Variants in TBC1D5 observed in about 807,000 individuals in gnomAD.
TBC1D5 encodes the protein TBC1 domain family member 5.
TBC1D5 carries 75 observed loss-of-function variants against 100.3 expected under a neutral mutation model. The observed-to-expected ratio is 0.75, with a 90% confidence interval of 0.62 to 0.91. TBC1D5 has a LOEUF of 0.91. Among genes scored for constraint, TBC1D5 ranks in the 40% least tolerant of loss-of-function variants. The probability of loss-of-function intolerance (pLI) is 0.00; values close to 1 mark genes in which losing one functional copy is unlikely to be tolerated. For missense variants in TBC1D5, 910 were observed against 942.4 expected (o/e 0.97, Z 0.45); for synonymous variants, 323 against 325.6 (o/e 0.99, Z 0.09).
chr3:17,330,180 T>C (rs1435166717), intron 13 of TBC1D5, among the ~76,000 whole-genome samples: 3 of 152,112 alleles, frequency 2.0e-5, no homozygotes, highest in Admixed American at 1.3e-4. Flanking sequence ...CCTGTCTCCA[T>C]TTTCTTCCCT....
At chr3:17,168,046 A>G (rs1449173349) in intron 19 of TBC1D5, among the ~76,000 whole-genome samples, 1 of 152,182 alleles carries the variant, frequency 6.6e-6, no homozygotes, top group East Asian at 1.9e-4. Flanking sequence ...CCAACATTCC[A>G]TGAATGTACT....
intron 13 of TBC1D5, among the ~76,000 whole-genome samples, chr3:17,350,210 C>T (rs1025153491): frequency 2.0e-5 from 3 of 151,590 alleles, no homozygotes; most frequent in East Asian, 3.9e-4. Context: ...TACCACTATC[C>T]CACAAACTAC....
intron 2 of TBC1D5, among the ~76,000 whole-genome samples, chr3:17,584,970 C>A (rs889998860): frequency 6.6e-6 from 1 of 151,842 alleles, no homozygotes; most frequent in Non-Finnish European, 1.5e-5. Flanking sequence ...TTTATTTTTT[C>A]GACAGAGATG....
intron 13 of TBC1D5, among the ~76,000 whole-genome samples, chr3:17,352,192 T>C (rs2090688152): frequency 6.6e-6 from 1 of 152,174 alleles, no homozygotes; most frequent in Non-Finnish European, 1.5e-5. Flanking sequence ...TACATACATC[T>C]ATTTCACGTA....
intron 1 of TBC1D5, among the ~76,000 whole-genome samples, chr3:17,636,570 T>C (rs959544361): frequency 6.6e-6 from 1 of 151,816 alleles, no homozygotes; most frequent in Non-Finnish European, 1.5e-5. Flanking sequence ...GGCAGGCGGA[T>C]CACAAGATCA....
At chr3:17,463,641 T>A (rs1432564150) in intron 3 of TBC1D5, among the ~76,000 whole-genome samples, 5 of 152,184 alleles carry the variant, frequency 3.3e-5, no homozygotes, top group South Asian at 2.1e-4. Flanking sequence ...TAACAAAATA[T>A]CAAAATTTTA....
At chr3:17,474,407 CTATTT>C (rs2095414544) in intron 3 of TBC1D5, among the ~76,000 whole-genome samples, 1 of 151,982 alleles carries the variant, frequency 6.6e-6, no homozygotes, top group African/African-American at 2.4e-5. Context: ...ACCCTGTTTT[CTATTT>C]AATTCATTAA....
At chr3:17,704,903 G>A (rs1378357657) in intron 1 of TBC1D5, among the ~76,000 whole-genome samples, 1 of 104,242 alleles carries the variant, frequency 9.6e-6, no homozygotes, top group Non-Finnish European at 2.0e-5. Context: ...TCCCGGACGG[G>A]GCGGCTGGCC....
At chr3:17,289,102 C>T (rs1328043641) in intron 15 of TBC1D5, among the ~76,000 whole-genome samples, 1 of 152,234 alleles carries the variant, frequency 6.6e-6, no homozygotes, top group Non-Finnish European at 1.5e-5. Context: ...ATGCCAGAGT[C>T]TACCATGGGA....
chr3:17,228,451 G>A (rs1431505092), intron 17 of TBC1D5, among the ~76,000 whole-genome samples: 1 of 152,168 alleles, frequency 6.6e-6, no homozygotes, highest in Non-Finnish European at 1.5e-5. Context: ...AGTTTAAAAT[G>A]CAGTACTCTG....
intron 1 of TBC1D5, among the ~76,000 whole-genome samples, chr3:17,724,590 A>T (rs2075974046): frequency 6.6e-6 from 1 of 152,186 alleles, no homozygotes; most frequent in Admixed American, 6.5e-5. Context: ...CTCTAGAAGC[A>T]TATTTTCTTT....
At chr3:17,659,898 T>C (rs1446636915) in intron 1 of TBC1D5, among the ~76,000 whole-genome samples, 4 of 152,164 alleles carry the variant, frequency 2.6e-5, no homozygotes. Flanking sequence ...AATTATACTT[T>C]AATACTTGAA....
At chr3:17,561,328 GT>G (rs1167575535) in intron 2 of TBC1D5, among the ~76,000 whole-genome samples, 1 of 151,944 alleles carries the variant, frequency 6.6e-6, no homozygotes, top group Non-Finnish European at 1.5e-5. Context: ...AACTTAGAGG[GT>G]TCAATCAAAG....
At chr3:17,709,767 T>A (rs904520875) in intron 1 of TBC1D5, among the ~76,000 whole-genome samples, 1 of 152,138 alleles carries the variant, frequency 6.6e-6, no homozygotes, top group Non-Finnish European at 1.5e-5. Flanking sequence ...TACAAATTGC[T>A]GCAAAATATA....
intron 2 of TBC1D5, among the ~76,000 whole-genome samples, chr3:17,561,244 A>G (rs916975617): frequency 1.3e-5 from 2 of 152,214 alleles, no homozygotes; most frequent in African/African-American, 4.8e-5. Flanking sequence ...TGAAAAGGTT[A>G]AAAGCTAATT....
chr3:17,628,740 T>C (rs1052520238), intron 1 of TBC1D5, among the ~76,000 whole-genome samples: 2 of 152,230 alleles, frequency 1.3e-5, no homozygotes, highest in African/African-American at 2.4e-5. Flanking sequence ...GGATAACTTA[T>C]ATGAATGTAC....
intron 19 of TBC1D5, among the ~76,000 whole-genome samples, chr3:17,181,095 G>A (rs2068401866): frequency 6.6e-6 from 1 of 152,160 alleles, no homozygotes; most frequent in Non-Finnish European, 1.5e-5. Context: ...GCATAATGGA[G>A]GCTCAGTGGC....
chr3:17,335,891 A>G (rs913085239), intron 13 of TBC1D5, among the ~76,000 whole-genome samples: 1 of 152,122 alleles, frequency 6.6e-6, no homozygotes, highest in East Asian at 1.9e-4. Context: ...TAGTGCCCAA[A>G]TAAGTATTGC....
intron 4 of TBC1D5, among the ~76,000 whole-genome samples, chr3:17,407,105 A>G (rs2093791004): frequency 6.6e-6 from 1 of 152,158 alleles, no homozygotes; most frequent in Non-Finnish European, 1.5e-5. Context: ...AAAAAATTAA[A>G]AAGCCTCACT....
Sources: gnomAD v4.1 joint callset for allele counts (sites outside exome capture counted in the v4.1 genomes callset) on GRCh38, gnomAD v4.1.1 for gene constraint, MANE v1.5 for transcripts, NCBI Gene and HGNC (gene_info 2026-07-23, HGNC 2026-07-21) for gene names.